PPM1H: variants seen among roughly 807,000 people sequenced by gnomAD.
The protein encoded by PPM1H is protein phosphatase 1H.
PPM1H carries 27 observed loss-of-function variants against 54.9 expected under a neutral mutation model. The observed-to-expected ratio is 0.49, with a 90% CI of 0.36 to 0.68. PPM1H has a LOEUF of 0.68. Ranked by LOEUF, PPM1H falls within the 30% of genes least tolerant of loss-of-function variation. The pLI is 0.00. For synonymous variants in PPM1H, 305 were observed against 270.8 expected, an observed-to-expected ratio of 1.13 and a Z score of -1.24; for missense variants, 596 against 667.8, an observed-to-expected ratio of 0.89 and a Z score of 1.19.
At chr12:62,876,597 T>C (rs1314691209) in intron 1 of PPM1H, among the ~76,000 whole-genome samples, 1 of 152,178 alleles carries the variant, frequency 6.6e-6, no homozygotes, top group African/African-American at 2.4e-5. Context: ...TGAAATTATA[T>C]GCAGTCAGAT....
At chr12:62,769,731 T>A (rs2076566861) in intron 4 of PPM1H, among the ~76,000 whole-genome samples, 1 of 152,222 alleles carries the variant, frequency 6.6e-6, no homozygotes, top group African/African-American at 2.4e-5. Context: ...AAGTTCATTT[T>A]GCCAACTTAA....
At chr12:62,754,065 A>G (rs1356013108) in intron 4 of PPM1H, among the ~76,000 whole-genome samples, 1 of 152,218 alleles carries the variant, frequency 6.6e-6, no homozygotes. Context: ...AAGGGATCAA[A>G]TCCTCTGACT....
At chr12:62,784,052 C>T (rs1008013652) in intron 4 of PPM1H, among the ~76,000 whole-genome samples, 2 of 152,160 alleles carry the variant, frequency 1.3e-5, no homozygotes, top group Admixed American at 1.3e-4. Context: ...GAAAATCCGC[C>T]CACCATCTGC....
chr12:62,805,878 A>G (rs2076802798), intron 2 of PPM1H, among the ~76,000 whole-genome samples: 1 of 152,200 alleles, frequency 6.6e-6, no homozygotes, highest in Non-Finnish European at 1.5e-5. Context: ...ACTGGTAACT[A>G]TGTAAGGGAA....
intron 1 of PPM1H, among the ~76,000 whole-genome samples, chr12:62,833,038 A>G (rs1868398246): frequency 6.6e-6 from 1 of 152,166 alleles, no homozygotes; most frequent in African/African-American, 2.4e-5. Flanking sequence ...CTATCAGGTG[A>G]CTATAGACTC....
chr12:62,690,491 A>C (rs2076076734), intron 7 of PPM1H, among the ~76,000 whole-genome samples: 1 of 152,228 alleles, frequency 6.6e-6, no homozygotes, highest in South Asian at 2.1e-4. Flanking sequence ...CTCAGGGCTG[A>C]GACCTCATCC....
At chr12:62,677,593 C>T (rs534464331) in intron 8 of PPM1H, among the ~76,000 whole-genome samples, 10 of 152,238 alleles carry the variant, frequency 6.6e-5, no homozygotes, top group East Asian at 1.9e-4. Context: ...GTGTAGTGGC[C>T]GAACCCTGTA....
Position 62,934,605 on chromosome 12 carries a change from T to C in PPM1H, c.132A>G (p.Pro44=), listed in dbSNP as rs778288166. 3.2e-6 allele frequency: 5 copies of C among 1,577,852 alleles called. No individual in the cohort carries two copies. In the South Asian group the frequency reaches 3.5e-5, roughly 11 times the overall value. Residue 44 remains proline (P), a synonymous_variant, in exon 1 of 10, where the codon CCA becomes CCG. Transcript: ENST00000228705. The surrounding 1 kb of genome is among the most constrained non-coding windows in gnomAD (Gnocchi z 4.2). ...DLPLRFPYGR[P]EFLGLSQDEV... ...CGTCCTGAGACAGCCCCAGGAACTC[T>C]GGCCGCCCGTAGGGGAAACGCAGGG...
chr12:62,708,697 T>A (rs537056816), intron 6 of PPM1H, among the ~76,000 whole-genome samples: 1 of 152,340 alleles, frequency 6.6e-6, no homozygotes, highest in South Asian at 2.1e-4. Flanking sequence ...ATCTTCTAAG[T>A]CACTGATAAA....
Position 62,648,605 on chromosome 12 carries a change from G to T in PPM1H, c.1429C>A (p.Arg477Ser), listed in dbSNP as rs757417572. The T allele has an allele frequency of 3.7e-6, 6 of 1,613,786 alleles. No homozygotes were observed. The African/African-American group carries it at 8.0e-5, about 22-fold the overall frequency. The change falls in exon 10 of 10, where the codon CGT becomes AGT. Residue 477 changes from arginine to serine, a missense_variant. Arg to Ser is a moderately radical substitution (Grantham distance 110, BLOSUM62 -1). Coordinates refer to ENST00000228705, the MANE Select transcript of PPM1H (RefSeq NM_020700.2). Reference protein sequence around the residue: ...YTLAAQDLVMRARGVLKDRGW... With the variant: ...YTLAAQDLVMSARGVLKDRGW... ...CTGTCCTTCAGCACACCCCGGGCAC[G>T]CATCACCAGGTCCTGAGCTGCCAGT...
chr12:62,861,211 G>A (rs10506452), intron 1 of PPM1H, among the ~76,000 whole-genome samples: 10,276 of 152,226 alleles, frequency 0.068, 542 homozygotes, highest in East Asian at 0.28. Flanking sequence ...CTCTGAATCG[G>A]AGCTACCATA....
intron 8 of PPM1H, among the ~76,000 whole-genome samples, chr12:62,672,674 T>C (rs2075963255): frequency 6.6e-6 from 1 of 152,208 alleles, no homozygotes; most frequent in Non-Finnish European, 1.5e-5. Context: ...TCTGTTTTTG[T>C]ACCCAGAACA....
At chr12:62,732,707 G>A (rs541514654) in intron 5 of PPM1H, among the ~76,000 whole-genome samples, 13 of 151,690 alleles carry the variant, frequency 8.6e-5, no homozygotes, top group African/African-American at 2.7e-4. Context: ...GAGTAGCTGG[G>A]ACTACAGGCG....
intron 2 of PPM1H, among the ~76,000 whole-genome samples, chr12:62,806,315 A>C (rs1472931754): frequency 6.6e-6 from 1 of 152,202 alleles, no homozygotes; most frequent in African/African-American, 2.4e-5. Flanking sequence ...AGGTGCTAAG[A>C]AATAAAATAG....
intron 1 of PPM1H, among the ~76,000 whole-genome samples, chr12:62,832,632 A>T (rs1191477303): frequency 2.0e-5 from 3 of 152,214 alleles, no homozygotes; most frequent in Non-Finnish European, 4.4e-5. Flanking sequence ...CAATGAAGAC[A>T]GATAATCTGA....
intron 6 of PPM1H, among the ~76,000 whole-genome samples, chr12:62,697,500 GCT>G (rs1332909708): frequency 1.3e-5 from 2 of 151,980 alleles, no homozygotes; most frequent in African/African-American, 2.4e-5. Flanking sequence ...TCCTCAAACT[GCT>G]CTCAGTTTAA....
In PPM1H at chr12:62,645,962, A is replaced by C. The variant is rs1264784951; in HGVS notation, c.*2527T>G. 6.6e-6 allele frequency: 1 copy of C among 152,212 alleles called. No homozygotes were observed. Among genetic ancestry groups the C allele is most frequent in the East Asian group, 1.9e-4 (1 of 5,192 alleles). 9.4% of individuals were successfully genotyped at this position (152,212 alleles called of 1,614,324 possible). ...CTGGGTGACATGGGGCCTGGGTAAA[A>C]AAATAAGGCCAAAACTGAGTAAGCT... is the stretch of plus-strand genomic sequence containing the variant. On this transcript the variant is annotated 3_prime_UTR_variant, in exon 10 of 10. Coordinates refer to ENST00000228705, the MANE Select transcript of PPM1H (RefSeq NM_020700.2).
At chr12:62,901,809 C>T (rs1196776956) in intron 1 of PPM1H, among the ~76,000 whole-genome samples, 6 of 152,082 alleles carry the variant, frequency 3.9e-5, no homozygotes, top group African/African-American at 1.2e-4. Context: ...ATCCCTGGGG[C>T]TCCTGAATGC....
At chr12:62,897,017 A>C (rs1206676221) in intron 1 of PPM1H, among the ~76,000 whole-genome samples, 2 of 148,488 alleles carry the variant, frequency 1.3e-5, no homozygotes, top group Non-Finnish European at 3.0e-5. Flanking sequence ...ACCAAGTATC[A>C]CATATTCTCA....
Sources: allele counts gnomAD v4.1 joint callset (sites outside exome capture counted in the v4.1 genomes callset), GRCh38; gene constraint gnomAD v4.1.1; non-coding constraint Gnocchi (gnomAD v3.1); transcripts MANE v1.5; gene names NCBI Gene and HGNC (gene_info 2026-07-23, HGNC 2026-07-21).